Variants in PRKCA observed in about 807,000 individuals in gnomAD.
The protein encoded by PRKCA is protein kinase C alpha type.
A neutral mutation model predicts 87.0 loss-of-function variants in PRKCA; 27 were observed. The ratio of observed to expected loss-of-function variants is 0.31; its 90% CI spans 0.23 to 0.43. PRKCA has a LOEUF of 0.43. PRKCA is among the 20% of genes least tolerant of loss of function. PRKCA has a pLI of 1.00. For missense variants in PRKCA, 518 were observed against 852.3 expected (o/e 0.61, Z 4.88); for synonymous variants, 329 against 311.1 (o/e 1.06, Z -0.61).
chr17:66,382,081 T>C (rs1909801905), intron 2 of PRKCA, among the ~76,000 whole-genome samples: 1 of 152,152 alleles, frequency 6.6e-6, no homozygotes, highest in African/African-American at 2.4e-5. Flanking sequence ...TTTGCACAGA[T>C]GGAGCGGTGC....
chr17:66,556,748 C>T (rs922463261), intron 3 of PRKCA, among the ~76,000 whole-genome samples: 9 of 152,144 alleles, frequency 5.9e-5, no homozygotes, highest in African/African-American at 1.7e-4. Context: ...TCTCTCCTGC[C>T]GCCTTGTGAA....
chr17:66,464,561 C>T (rs1397629689), intron 2 of PRKCA, among the ~76,000 whole-genome samples: 1 of 152,100 alleles, frequency 6.6e-6, no homozygotes, highest in Non-Finnish European at 1.5e-5. Context: ...GGATTTTGGC[C>T]ATTCTAATAG....
At chr17:66,656,673 C>T (rs1032848867) in intron 5 of PRKCA, among the ~76,000 whole-genome samples, 10 of 152,046 alleles carry the variant, frequency 6.6e-5, no homozygotes, top group Admixed American at 2.0e-4. Flanking sequence ...GGAGGGAAGA[C>T]GAAATAAATA....
At chr17:66,525,761 A>C (rs181326199) in intron 3 of PRKCA, among the ~76,000 whole-genome samples, 1 of 152,350 alleles carries the variant, frequency 6.6e-6, no homozygotes, top group East Asian at 1.9e-4. Flanking sequence ...GTGTGGGACC[A>C]AAGTGGAAAA....
At chr17:66,390,848 G>C (rs6504422) in intron 2 of PRKCA, among the ~76,000 whole-genome samples, 120,411 of 152,062 alleles carry the variant, frequency 0.79, 48,172 homozygotes, top group South Asian at 0.87. Context: ...GAGGGAGGGC[G>C]GTGCAGACTG....
At chr17:66,526,325 C>A (rs1184047532) in intron 3 of PRKCA, among the ~76,000 whole-genome samples, 1 of 152,082 alleles carries the variant, frequency 6.6e-6, no homozygotes, top group African/African-American at 2.4e-5. Context: ...AACAATCCAC[C>A]CCACAAGTTG....
At chr17:66,351,392 G>T (rs1405413503) in intron 2 of PRKCA, among the ~76,000 whole-genome samples, 1 of 152,246 alleles carries the variant, frequency 6.6e-6, no homozygotes, top group East Asian at 1.9e-4. Context: ...TGGTTCCTAT[G>T]GTATGTGTTT....
chr17:66,803,936 C>T lies in PRKCA; in HGVS notation c.1918C>T (p.Pro640Ser). Residue 640 changes from proline to serine, a missense_variant, in exon 17 of 17, where the codon CCT (proline) becomes TCT (serine). This residue lies in a region of PRKCA where 159 missense variants were observed against 232.4 expected (regional missense o/e 0.68). Coordinates refer to ENST00000413366, the MANE Select transcript of PRKCA (RefSeq NM_002737.3). This position sits in a 1 kb window ranked among gnomAD's most constrained non-coding sequence, Gnocchi z 4.4. ...ACGAGGACAGCCCGTCTTAACACCA[C>T]CTGATCAGCTGGTTATTGCTAACAT... The part of the protein sequence containing the change: ...FTRGQPVLTP[P>S]DQLVIANIDQ... The T allele has an allele frequency of 6.2e-7, 1 of 1,614,062 alleles. No individual in the cohort carries two copies. The highest frequency in any genetic ancestry group is 8.5e-7 in the Non-Finnish European group (1 of 1,179,942).
At chr17:66,567,469 A>G (rs994313825) in intron 3 of PRKCA, among the ~76,000 whole-genome samples, 30 of 152,170 alleles carry the variant, frequency 2.0e-4, no homozygotes, top group African/African-American at 7.2e-4. Flanking sequence ...AGATCCTGCC[A>G]GGCCACAGGC....
intron 5 of PRKCA, among the ~76,000 whole-genome samples, chr17:66,668,458 T>G (rs1972095182): frequency 6.6e-6 from 1 of 152,166 alleles, no homozygotes; most frequent in Non-Finnish European, 1.5e-5. Context: ...CCAAGCACTG[T>G]GAATTGGATA....
At position 66,709,572 on chromosome 17, in the gene PRKCA, G is replaced by C. The variant is rs540814515; in HGVS notation, c.918+20525G>C. Reference sequence around the variant, plus strand: ...GATCCACCCACCTCAGCCTCCCAAAGTGCTGGGATTACAGGCATGAGCCAC... The same window carrying C: ...GATCCACCCACCTCAGCCTCCCAAACTGCTGGGATTACAGGCATGAGCCAC... On this transcript the variant is annotated intron_variant, in intron 8 of 16. Transcript: ENST00000413366. 8.0e-4 allele frequency among the ~76,000 whole-genome samples: 122 copies of C among 151,996 alleles called. 1 individual carries two copies. The highest frequency in any genetic ancestry group is 3.5e-3 in the Admixed American group (54 of 15,288).
intron 2 of PRKCA, among the ~76,000 whole-genome samples, chr17:66,347,887 C>T (rs534259370): frequency 2.0e-5 from 3 of 146,854 alleles, no homozygotes; most frequent in Non-Finnish European, 4.5e-5. Context: ...GCCCTCATCC[C>T]TGGAGTGTAG....
In PRKCA at chr17:66,788,835, C is replaced by G; in HGVS notation, c.1714-4C>G. 6.2e-7 allele frequency: 1 copy of G among 1,610,238 alleles called. No individual in the cohort carries two copies. The highest frequency in any genetic ancestry group is 1.1e-5 in the South Asian group (1 of 90,922). On this transcript the variant is annotated splice_polypyrimidine_tract_variant and splice_region_variant and intron_variant, in intron 15 of 16. Transcript: ENST00000413366. ...TGTTCTCCTTTTCTCCTTTTCCTTTCTAGCTGATGACCAAACACCCAGCCA... is the reference window on the plus strand; with the variant it reads ...TGTTCTCCTTTTCTCCTTTTCCTTTGTAGCTGATGACCAAACACCCAGCCA...
rs551174999 is a variant in PRKCA, at chr17:66,303,721, G to A, written c.173+697G>A. Among the ~76,000 whole-genome samples, 6 of 152,170 alleles carry A rather than the reference G, an allele frequency of 3.9e-5. No homozygotes were observed. In the South Asian group the frequency reaches 1.2e-3, roughly 32 times the overall value. ...GGACTCATTTAAAATAGACCCTGTCGGCCAGGCGCGGTGGCTCACGCCTGT... is the reference window on the plus strand; with the variant it reads ...GGACTCATTTAAAATAGACCCTGTCAGCCAGGCGCGGTGGCTCACGCCTGT... On this transcript the variant is annotated intron_variant, in intron 1 of 16. Transcript: ENST00000413366.
At chr17:66,698,373 A>G (rs1972979308) in intron 8 of PRKCA, among the ~76,000 whole-genome samples, 1 of 152,214 alleles carries the variant, frequency 6.6e-6, no homozygotes, top group Non-Finnish European at 1.5e-5. Flanking sequence ...CAGAAAAACA[A>G]GAGCTCAATA....
intron 2 of PRKCA, among the ~76,000 whole-genome samples, chr17:66,440,844 C>T (rs893669098): frequency 3.3e-5 from 5 of 151,792 alleles, no homozygotes; most frequent in Admixed American, 1.3e-4. Flanking sequence ...CTGGCAACAC[C>T]GTAAGACCCC....
At chr17:66,421,946 T>C (rs1389010167) in intron 2 of PRKCA, among the ~76,000 whole-genome samples, 2 of 152,110 alleles carry the variant, frequency 1.3e-5, no homozygotes, top group Non-Finnish European at 2.9e-5. Context: ...CAGCAGAAGT[T>C]TATTTTTTCA....
chr17:66,806,267 A>T lies in PRKCA; in HGVS notation c.*2230A>T, dbSNP rs902454875. The T allele has an allele frequency of 6.6e-6, 1 of 152,234 alleles. No homozygotes were observed. The highest frequency in any genetic ancestry group is 1.5e-5 in the Non-Finnish European group (1 of 68,066). 9.4% of individuals were successfully genotyped at this position (152,234 alleles called of 1,614,324 possible). On this transcript the variant is annotated 3_prime_UTR_variant, in exon 17 of 17. Coordinates refer to ENST00000413366, the MANE Select transcript of PRKCA (RefSeq NM_002737.3). ...GAAGTTCACAGAACACACAACCATG[A>T]AAGGCTTTTTGAGGTGAGAGGCCCA...
chr17:66,526,774 G>A (rs991345703), intron 3 of PRKCA, among the ~76,000 whole-genome samples: 4 of 152,164 alleles, frequency 2.6e-5, no homozygotes, highest in Admixed American at 2.6e-4. Flanking sequence ...AACATTTGGA[G>A]CCAGTAATGA....
Sources: allele counts gnomAD v4.1 joint callset (sites outside exome capture counted in the v4.1 genomes callset), GRCh38; gene constraint gnomAD v4.1.1; regional missense constraint gnomAD v4.1.1; non-coding constraint Gnocchi (gnomAD v3.1); transcripts MANE v1.5; gene names NCBI Gene and HGNC (gene_info 2026-07-23, HGNC 2026-07-21).